PADI6: variants seen among roughly 807,000 people sequenced by gnomAD.
The protein encoded by PADI6 is inactive protein-arginine deiminase type-6.
A neutral mutation model predicts 78.2 loss-of-function variants in PADI6; 66 were observed. That is an observed-to-expected ratio of 0.84 (90% CI 0.69 to 1.04). The LOEUF (loss-of-function observed/expected upper bound fraction) is 1.04, where lower values mean the gene tolerates loss of function less well. PADI6 is among the 50% of genes least tolerant of loss of function. The probability of loss-of-function intolerance (pLI) is 0.00; values close to 1 mark genes in which losing one functional copy is unlikely to be tolerated. For synonymous variants in PADI6, 397 were observed against 346.9 expected, an observed-to-expected ratio of 1.14 and a Z score of -1.60; for missense variants, 854 against 866.1, an observed-to-expected ratio of 0.99 and a Z score of 0.18.
Position 17,401,495 on chromosome 1 carries a change from G to GC in PADI6, c.*58dup. ...AGCGTGGATGGCCCACTGTCACCATGCAACAGCATGATTCTTTGCCCAGTA... is the reference window on the plus strand; with the variant it reads ...AGCGTGGATGGCCCACTGTCACCATGCCAACAGCATGATTCTTTGCCCAGTA... On this transcript the variant is annotated 3_prime_UTR_variant, in exon 16 of 16. Transcript: ENST00000619609. 1 of 1,437,528 alleles carries GC rather than the reference G, an allele frequency of 7.0e-7. No individual in the cohort carries two copies. The highest frequency in any genetic ancestry group is 2.3e-5 in the East Asian group (1 of 42,708). The allele number at this position is 1,437,528 out of a possible 1,614,324, so 89.0% of individuals were successfully genotyped here.
chr1:17,401,104 C>A, intron 15 of PADI6, 101 bp from the exon 16 acceptor site: 1 of 1,088,988 alleles, frequency 9.2e-7, no homozygotes, highest in Non-Finnish European at 1.3e-6. Flanking sequence ...AGGCGGCTGC[C>A]TGCCTGCTAC....
At chr1:17,378,683 C>T (rs2075041898) in intron 3 of PADI6, among the ~76,000 whole-genome samples, 1 of 152,042 alleles carries the variant, frequency 6.6e-6, no homozygotes, top group Non-Finnish European at 1.5e-5. Flanking sequence ...CTGCTCACTG[C>T]AATCTCCACC....
chr1:17,392,288 T>A, intron 9 of PADI6, 63 bp downstream of exon 9: 1 of 1,213,268 alleles, frequency 8.2e-7, no homozygotes, highest in Non-Finnish European at 1.2e-6. Context: ...ATGTGCCACC[T>A]AAGAGGAACT....
In PADI6 at chr1:17,392,240, G is replaced by A. The variant is rs1188840286; in HGVS notation, c.1074+15G>A. On this transcript the variant is annotated intron_variant, in intron 9 of 15. Transcript: ENST00000619609. The stretch of plus-strand genomic sequence containing the variant: ...GGTGGCTCCAGGTAACACCCCACCT[G>A]GGAACCCACCTGTCGGGGAGGGGTG... 1 of 1,541,978 alleles carries A rather than the reference G, an allele frequency of 6.5e-7. No homozygotes were observed.
At chr1:17,390,729 T>TA (rs1292105725) in intron 8 of PADI6, among the ~76,000 whole-genome samples, 1 of 151,866 alleles carries the variant, frequency 6.6e-6, no homozygotes, top group African/African-American at 2.4e-5. Context: ...GATGAGAAGG[T>TA]AAAATCTCAG....
chr1:17,390,817 A>C (rs2526839), intron 8 of PADI6, among the ~76,000 whole-genome samples: 45,504 of 152,042 alleles, frequency 0.3, 7,132 homozygotes, highest in Middle Eastern at 0.41. Context: ...GTATTTGAAG[A>C]CGGGTTTCTC....
chr1:17,393,683 C>T (rs1244895906), intron 9 of PADI6, among the ~76,000 whole-genome samples: 1 of 152,128 alleles, frequency 6.6e-6, no homozygotes, highest in East Asian at 1.9e-4. Flanking sequence ...CCATGTTTCC[C>T]AGGCTGGTCT....
In PADI6 at chr1:17,400,506, G is replaced by GT. The variant is rs199767407; in HGVS notation, c.1852-692dup. 3.2e-3 allele frequency among the ~76,000 whole-genome samples: 472 copies of GT among 147,720 alleles called. 4 individuals are homozygous for GT. The highest frequency in any genetic ancestry group is 0.011 in the African/African-American group (427 of 38,026). On this transcript the variant is annotated intron_variant, in intron 15 of 15. Coordinates refer to ENST00000619609, the MANE Select transcript of PADI6 (RefSeq NM_207421.4). ...TGGGCAACAAGAGCAAAACTGTTTT[G>GT]TTTTTTTGTTTGTTTGTTTTTGTTT...
At chr1:17,388,909 G>A (rs1425873872) in intron 8 of PADI6, 29 bp downstream of exon 8, 2 of 1,579,558 alleles carry the variant, frequency 1.3e-6, no homozygotes, top group Non-Finnish European at 8.7e-7. Context: ...GACTGTGCCA[G>A]GCGGTTCTCA....
At chr1:17,395,466 G>C (rs963562517) in intron 12 of PADI6, 74 bp from the exon 13 acceptor site, 9 of 1,516,652 alleles carry the variant, frequency 5.9e-6, no homozygotes, top group Non-Finnish European at 7.1e-6. Context: ...GGCCTCCAAA[G>C]TGCTGGGATT....
At chr1:17,372,776 G>T (rs1385733168) in intron 1 of PADI6, among the ~76,000 whole-genome samples, 1 of 151,988 alleles carries the variant, frequency 6.6e-6, no homozygotes, top group African/African-American at 2.4e-5. Flanking sequence ...GATCCTTTGT[G>T]GCTCCCCCCT....
intron 6 of PADI6, among the ~76,000 whole-genome samples, chr1:17,382,936 G>A (rs1437889830): frequency 6.6e-6 from 1 of 152,168 alleles, no homozygotes; most frequent in African/African-American, 2.4e-5. Flanking sequence ...TATGACAGGT[G>A]TGTGCCACAA....
intron 11 of PADI6, 21 bp downstream of exon 11, chr1:17,394,475 C>A: frequency 6.2e-7 from 1 of 1,607,760 alleles, no homozygotes; most frequent in East Asian, 2.2e-5. Flanking sequence ...AAGCCAGACG[C>A]CTCCAAATGA....
chr1:17,393,903 C>T (rs1037002295), intron 9 of PADI6, 72 bp from the exon 10 acceptor site: 23 of 1,384,016 alleles, frequency 1.7e-5, no homozygotes, highest in Admixed American at 8.8e-5. Flanking sequence ...GGGTTCTTAC[C>T]GTACCTTTTC....
intron 14 of PADI6, among the ~76,000 whole-genome samples, chr1:17,397,632 A>T (rs35164410): frequency 2.0e-5 from 3 of 152,040 alleles, no homozygotes; most frequent in South Asian, 4.1e-4. Flanking sequence ...TGGCCCAAGC[A>T]TTTTGCGAGA....
intron 14 of PADI6, among the ~76,000 whole-genome samples, chr1:17,397,575 A>C (rs2075259207): frequency 6.6e-6 from 1 of 152,198 alleles, no homozygotes; most frequent in Non-Finnish European, 1.5e-5. Flanking sequence ...TTTTCCCCCA[A>C]GCTGGGAAAG....
chr1:17,378,433 A>G (rs887541759), intron 3 of PADI6, among the ~76,000 whole-genome samples: 2 of 152,130 alleles, frequency 1.3e-5, no homozygotes, highest in Non-Finnish European at 2.9e-5. Context: ...TGGCCCTGAT[A>G]TTCCAGTTGG....
At chr1:17,373,501 TTA>T (rs143844537) in intron 2 of PADI6, among the ~76,000 whole-genome samples, 8,635 of 106,236 alleles carry the variant, frequency 0.081, 313 homozygotes, top group East Asian at 0.15. Context: ...TTATTTATTA[TTA>T]TTTTTTTTTT....
At chr1:17,378,977 C>T (rs553752276) in intron 3 of PADI6, among the ~76,000 whole-genome samples, 1 of 151,258 alleles carries the variant, frequency 6.6e-6, no homozygotes, top group East Asian at 1.9e-4. Flanking sequence ...CAGAATCTTG[C>T]TCTGTCACCC....
Sources: gnomAD v4.1 joint callset for allele counts (sites outside exome capture counted in the v4.1 genomes callset) on GRCh38, gnomAD v4.1.1 for gene constraint, MANE v1.5 for transcripts, NCBI Gene and HGNC (gene_info 2026-07-23, HGNC 2026-07-21) for gene names.